KCNQ1: variants seen among roughly 807,000 people sequenced by gnomAD.
KCNQ1 encodes potassium voltage-gated channel subfamily Q member 1.
A neutral mutation model predicts 72.4 loss-of-function variants in KCNQ1; 49 were observed. The observed-to-expected ratio is 0.68, with a 90% CI of 0.54 to 0.86. The LOEUF is 0.86. Among genes scored for constraint, KCNQ1 ranks in the 40% least tolerant of loss-of-function variants. The pLI, the probability that KCNQ1 is intolerant of heterozygous loss-of-function variation, is 0.00. For synonymous variants in KCNQ1, 450 were observed against 412.6 expected (o/e 1.09, Z -1.10); for missense variants, 790 against 945.1 (o/e 0.84, Z 2.15).
chr11:2,665,341 C>CA (rs1850047569), intron 11 of KCNQ1: 2 of 398,142 alleles, frequency 5.0e-6, no homozygotes, highest in Non-Finnish European at 8.8e-6. Context: ...TGTAGGCCTG[C>CA]ATGGGCAGTT....
intron 11 of KCNQ1, among the ~76,000 whole-genome samples, chr11:2,742,490 G>A (rs116164476): frequency 6.6e-6 from 1 of 152,216 alleles, no homozygotes; most frequent in Non-Finnish European, 1.5e-5. Context: ...CACTCATGTG[G>A]TGGATTCATC....
chr11:2,445,325 C>T lies in KCNQ1; in HGVS notation c.227C>T (p.Ala76Val). 1 of 1,575,874 alleles carries T rather than the reference C, an allele frequency of 6.3e-7. No individual in the cohort carries two copies. The highest frequency in any genetic ancestry group is 8.6e-7 in the Non-Finnish European group (1 of 1,169,164). The change falls in exon 1 of 16, where the codon GCC becomes GTC. Residue 76 changes from alanine to valine, a missense_variant. Around this residue, in one of 5 missense-constraint regions of KCNQ1, gnomAD observed 294 missense variants for 323.3 expected, o/e 0.91. Coordinates refer to ENST00000155840, the MANE Select transcript of KCNQ1 (RefSeq NM_000218.3). ...GCCGCGCCCGCCGCGCCCCCAGTTGCCTCCGACCTTGGCCCGCGGCCGCCG... is the reference window on the plus strand; with the variant it reads ...GCCGCGCCCGCCGCGCCCCCAGTTGTCTCCGACCTTGGCCCGCGGCCGCCG... ...SPAAPAAPPV[A>V]SDLGPRPPVS...
At chr11:2,739,383 G>A (rs116927949) in intron 11 of KCNQ1, among the ~76,000 whole-genome samples, 1 of 152,310 alleles carries the variant, frequency 6.6e-6, no homozygotes, top group Non-Finnish European at 1.5e-5. Flanking sequence ...AGTTGTTTCT[G>A]CCCTATCTGT....
At chr11:2,689,305 C>G in intron 11 of KCNQ1, 1 of 398,684 alleles carries the variant, frequency 2.5e-6, no homozygotes, top group East Asian at 3.6e-5. Flanking sequence ...CCCTAAGACT[C>G]AATGCCACCT....
rs949321470 is a variant in KCNQ1 at position 2,601,906 on chromosome 11, C to T, written c.1393+13052C>T. 7.2e-5 allele frequency among the ~76,000 whole-genome samples: 11 copies of T among 152,260 alleles called. No homozygotes were observed. Among genetic ancestry groups the T allele is most frequent in the East Asian group, 1.9e-4 (1 of 5,172 alleles). ...GGCCCCCAAAGTAGCCAGGTCCTAACGCCTAGAACCTGTGACTATCGCCTT... is the reference window on the plus strand; with the variant it reads ...GGCCCCCAAAGTAGCCAGGTCCTAATGCCTAGAACCTGTGACTATCGCCTT... On this transcript the variant is annotated intron_variant, in intron 10 of 15. Transcript: ENST00000155840. This position sits in a 1 kb window ranked among gnomAD's most constrained non-coding sequence, Gnocchi z 5.2.
At chr11:2,650,300 G>A (rs1173743823) in intron 10 of KCNQ1, 4 of 398,226 alleles carry the variant, frequency 1.0e-5, no homozygotes. Context: ...GTGTTCTTTT[G>A]GCAAGTCATG....
At chr11:2,667,983 G>T (rs180766026) in intron 11 of KCNQ1, 8 of 398,660 alleles carry the variant, frequency 2.0e-5, no homozygotes, top group African/African-American at 1.2e-4. Context: ...CCCATTTCCT[G>T]TCACTGACCT....
intron 6 of KCNQ1, among the ~76,000 whole-genome samples, chr11:2,577,085 C>T (rs566364656): frequency 1.3e-5 from 2 of 152,348 alleles, no homozygotes; most frequent in South Asian, 2.1e-4. Context: ...AGGCTGCAAC[C>T]GATCCCTCTG....
chr11:2,554,839 C>T (rs946167792), intron 2 of KCNQ1, among the ~76,000 whole-genome samples: 4 of 152,188 alleles, frequency 2.6e-5, no homozygotes, highest in African/African-American at 7.2e-5. Context: ...CAGCAAAATC[C>T]GTGCACAATT....
intron 15 of KCNQ1, among the ~76,000 whole-genome samples, chr11:2,820,746 C>T (rs1356365529): frequency 6.6e-6 from 1 of 152,230 alleles, no homozygotes; most frequent in East Asian, 1.9e-4. Flanking sequence ...CCTCTCCTTA[C>T]GTCTGGGGAA....
chr11:2,679,443 T>G lies in KCNQ1; in HGVS notation c.1514+17362T>G, dbSNP rs540748661. On this transcript the variant is annotated intron_variant, in intron 11 of 15. Transcript: ENST00000155840. This position sits in a 1 kb window ranked among gnomAD's most constrained non-coding sequence, Gnocchi z 4.8. ...TTCCTCAGAGGGTTGTTAGGAGGAT[T>G]ACACAAATTAATAATATAAAGTATG... is the stretch of plus-strand genomic sequence containing the variant. 3 of 398,502 alleles carry G rather than the reference T, an allele frequency of 7.5e-6. No homozygotes were observed. Among genetic ancestry groups the G allele is most frequent in the Non-Finnish European group, 1.3e-5 (3 of 226,070 alleles). The allele number at this position is 398,502 out of a possible 1,614,324, so 24.7% of individuals were successfully genotyped here.
rs120074196 is a variant in KCNQ1 at position 2,572,057 on chromosome 11, G to A, written c.728G>A (p.Arg243His). 13 of 1,612,788 alleles carry A rather than the reference G, an allele frequency of 8.1e-6. No homozygotes were observed. Among genetic ancestry groups the A allele is most frequent in the South Asian group, 3.3e-5 (3 of 91,078 alleles). ...LQILRMLHVDRQGGTWRLLGS... is the reference protein window; with the variant it reads ...LQILRMLHVDHQGGTWRLLGS... The stretch of plus-strand genomic sequence containing the variant: ...ATCCTGAGGATGCTACACGTCGACC[G>A]CCAGGGAGGCACCTGGAGGCTCCTG... The change falls in exon 5 of 16, where the codon CGC becomes CAC. Residue 243 changes from arginine (R) to histidine (H), a missense_variant. Transcript: ENST00000155840.
chr11:2,618,490 G>T, intron 10 of KCNQ1: 1 of 398,540 alleles, frequency 2.5e-6, no homozygotes. Flanking sequence ...TCGTGTTCTT[G>T]TGGAAAATTG....
chr11:2,655,882 C>T (rs1187729271), intron 10 of KCNQ1: 3 of 398,630 alleles, frequency 7.5e-6, no homozygotes, highest in African/African-American at 2.1e-5. Flanking sequence ...GCCTTCTCTG[C>T]CCCTTGTTAT....
At chr11:2,455,983 G>A (rs1846186534) in intron 1 of KCNQ1, among the ~76,000 whole-genome samples, 1 of 152,218 alleles carries the variant, frequency 6.6e-6, no homozygotes, top group Non-Finnish European at 1.5e-5. Context: ...GGGATAACTG[G>A]CTCCCCATAT....
Position 2,574,326 on chromosome 11 carries a change from G to A in KCNQ1, c.921+1340G>A, listed in dbSNP as rs144225801. 7.7e-3 allele frequency among the ~76,000 whole-genome samples: 1,166 copies of A among 152,276 alleles called. 18 individuals are homozygous for A. The highest frequency in any genetic ancestry group is 0.027 in the African/African-American group (1,112 of 41,560). Reference sequence around the variant, plus strand: ...CAAGCCTGCCCCCGCGTCTGCCCTTGTCTACCGACCTCCGGGCTCACTCAG... The same window carrying A: ...CAAGCCTGCCCCCGCGTCTGCCCTTATCTACCGACCTCCGGGCTCACTCAG... On this transcript the variant is annotated intron_variant, in intron 6 of 15. Coordinates refer to ENST00000155840, the MANE Select transcript of KCNQ1 (RefSeq NM_000218.3).
In KCNQ1 at chr11:2,608,773, G is replaced by A. The variant is rs1437691775; in HGVS notation, c.1393+19919G>A. 5.0e-6 allele frequency: 2 copies of A among 398,500 alleles called. No homozygotes were observed. The highest frequency in any genetic ancestry group is 8.8e-6 in the Non-Finnish European group (2 of 226,068). 24.7% of individuals were successfully genotyped at this position (398,500 alleles called of 1,614,324 possible). A position where few individuals can be genotyped will look rare whatever the true frequency, so the allele number is the denominator to read the frequency against. On this transcript the variant is annotated intron_variant, in intron 10 of 15. Transcript: ENST00000155840. This position sits in a 1 kb window ranked among gnomAD's most constrained non-coding sequence, Gnocchi z 4.6. Reference sequence around the variant, plus strand: ...CAAAGTGCTGGGATTACAGGTGTGAGCCACTGCAGCTAGCCTCGTTTTTTT... The same window carrying A: ...CAAAGTGCTGGGATTACAGGTGTGAACCACTGCAGCTAGCCTCGTTTTTTT...
In KCNQ1 at chr11:2,695,671, A is replaced by T. The variant is rs1850663188; in HGVS notation, c.1514+33590A>T. The stretch of plus-strand genomic sequence containing the variant: ...TATAAAATATTTTATTTGAGGAAGA[A>T]GTGTTGGCCAGCTCTTCAGAACGTC... On this transcript the variant is annotated intron_variant, in intron 11 of 15. Coordinates refer to ENST00000155840, the MANE Select transcript of KCNQ1 (RefSeq NM_000218.3). This position sits in a 1 kb window ranked among gnomAD's most constrained non-coding sequence, Gnocchi z 5.2. The T allele has an allele frequency of 1.0e-5, 4 of 398,592 alleles. No homozygotes were observed. The East Asian group carries it at 1.4e-4, about 14-fold the overall frequency. The allele number at this position is 398,592 out of a possible 1,614,324, so 24.7% of individuals were successfully genotyped here.
intron 1 of KCNQ1, among the ~76,000 whole-genome samples, chr11:2,469,099 G>A (rs1782309230): frequency 6.6e-6 from 1 of 152,116 alleles, no homozygotes; most frequent in Non-Finnish European, 1.5e-5. Flanking sequence ...TTTAATTTTA[G>A]CCAATCTAAC....
Sources: gnomAD v4.1 joint callset for allele counts (sites outside exome capture counted in the v4.1 genomes callset) on GRCh38, gnomAD v4.1.1 for gene constraint, gnomAD v4.1.1 regional missense constraint, Gnocchi (gnomAD v3.1) non-coding constraint, MANE v1.5 for transcripts, NCBI Gene and HGNC (gene_info 2026-07-23, HGNC 2026-07-21) for gene names.